The following TMEM82 variants were observed in gnomAD, a reference collection of about 807,000 sequenced individuals.
The protein encoded by TMEM82 is transmembrane protein 82.
In TMEM82, 30 loss-of-function variants were observed where a neutral mutation model predicts 29.2. The observed-to-expected ratio is 1.03, with a 90% CI of 0.77 to 1.39. The LOEUF (loss-of-function observed/expected upper bound fraction) is 1.39, where lower values mean the gene tolerates loss of function less well. TMEM82 is among the 40% of genes most tolerant of loss of function. The probability of loss-of-function intolerance (pLI) is 0.00; values close to 1 mark genes in which losing one functional copy is unlikely to be tolerated. For missense variants in TMEM82, 442 were observed against 447.7 expected (o/e 0.99, Z 0.12); for synonymous variants, 221 against 225.4 (o/e 0.98, Z 0.18).
chr1:15,742,880 A>G lies in TMEM82; in HGVS notation c.134A>G (p.Lys45Arg). Residue 45 changes from lysine (K) to arginine (R), a missense_variant, in exon 2 of 6, where the codon AAA becomes AGA. Physicochemically the swap from Lys to Arg is conservative, Grantham distance 26. Coordinates refer to ENST00000375782, the MANE Select transcript of TMEM82 (RefSeq NM_001013641.3). ...GTCTTGGTCCTGAACAGCCTCCTGA[A>G]AGTTTACTTCTTCGTGGGCTGTGCC... ...LGVLVLNSLL[K>R]VYFFVGCAND... 6.2e-7 allele frequency: 1 copy of G among 1,612,682 alleles called. No individual in the cohort carries two copies. The highest frequency in any genetic ancestry group is 1.7e-5 in the Admixed American group (1 of 60,008).
intron 1 of TMEM82, 32 bp from the exon 2 acceptor site, chr1:15,742,803 G>T: frequency 6.2e-7 from 1 of 1,601,744 alleles, no homozygotes. Context: ...ACCCCTGCAC[G>T]CTGCCTCGCT....
At chr1:15,743,855 CT>C (rs1393696613) in intron 3 of TMEM82, among the ~76,000 whole-genome samples, 1 of 152,032 alleles carries the variant, frequency 6.6e-6, no homozygotes, top group African/African-American at 2.4e-5. Flanking sequence ...ATCCCAGCTT[CT>C]TGGGAGGCTG....
At position 15,743,137 on chromosome 1, in the gene TMEM82, C is replaced by T. The variant is rs775104287; in HGVS notation, c.279C>T (p.Ala93=). 1 of 1,611,794 alleles carries T rather than the reference C, an allele frequency of 6.2e-7. No homozygotes were observed. The highest frequency in any genetic ancestry group is 8.5e-7 in the Non-Finnish European group (1 of 1,179,902). ...FLTVVGSRVA[A]LVVLEFSLRA... Reference sequence around the variant, plus strand: ...CGGTCGTGGGGTCCCGGGTGGCTGCCCTCGTGGTGCTCGAGTTCTCCCTCC... The same window carrying T: ...CGGTCGTGGGGTCCCGGGTGGCTGCTCTCGTGGTGCTCGAGTTCTCCCTCC... Residue 93 remains alanine, a synonymous_variant, in exon 3 of 6, where the codon GCC becomes GCT. Transcript: ENST00000375782.
In TMEM82 at chr1:15,742,658, C is replaced by T. The variant is rs761113416; in HGVS notation, c.88+11C>T. On this transcript the variant is annotated intron_variant, in intron 1 of 5. Coordinates refer to ENST00000375782, the MANE Select transcript of TMEM82 (RefSeq NM_001013641.3). ...ACTCCCTCCTGCAAGGTGAGCACCTCGCCCCATTCCTGCCTTGGCCCCGCC... is the reference window on the plus strand; with the variant it reads ...ACTCCCTCCTGCAAGGTGAGCACCTTGCCCCATTCCTGCCTTGGCCCCGCC... The T allele has an allele frequency of 1.6e-5, 26 of 1,605,582 alleles. No individual in the cohort carries two copies. Among genetic ancestry groups the T allele is most frequent in the East Asian group, 6.7e-5 (3 of 44,862 alleles).
intron 2 of TMEM82, 32 bp from the exon 3 acceptor site, chr1:15,742,988 C>T: frequency 6.3e-7 from 1 of 1,599,958 alleles, no homozygotes; most frequent in Non-Finnish European, 8.5e-7. Context: ...GGCAGTTCTG[C>T]ACCCCTGCCC....
rs1557671774 is a variant in TMEM82, at chr1:15,743,059, C to T, written c.201C>T (p.Ala67=). 6.2e-7 allele frequency: 1 copy of T among 1,606,410 alleles called. No homozygotes were observed. The highest frequency in any genetic ancestry group is 8.5e-7 in the Non-Finnish European group (1 of 1,176,756). The part of the protein sequence containing the change: ...QRRPEKERLR[A]QWASLETVHL... ...GACCCGAAAAGGAGCGGCTTCGGGC[C>T]CAGTGGGCCTCCCTGGAAACGGTGC... The change falls in exon 3 of 6, where the codon GCC becomes GCT. Residue 67 remains alanine (A), a synonymous_variant. Transcript: ENST00000375782.
Position 15,746,982 on chromosome 1 carries a change from C to A in TMEM82, c.873C>A (p.Ile291=), listed in dbSNP as rs138798462. The A allele has an allele frequency of 9.9e-6, 16 of 1,612,116 alleles. No individual in the cohort carries two copies. Among genetic ancestry groups the A allele is most frequent in the African/African-American group, 1.3e-5 (1 of 74,842 alleles). ...GTCGCTGGCTGGACCTGCTGGGCAT[C>A]CTTGTCTCCCTACTGGGCGAGCTCT... ...TVGRWLDLLG[I]LVSLLGELWC... The change falls in exon 5 of 6, where the codon ATC becomes ATA. Residue 291 remains isoleucine (I), a synonymous_variant. Transcript: ENST00000375782.
chr1:15,744,511 A>T lies in TMEM82; in HGVS notation c.688A>T (p.Thr230Ser), dbSNP rs762005419. The T allele has an allele frequency of 6.2e-7, 1 of 1,612,356 alleles. No homozygotes were observed. The highest frequency in any genetic ancestry group is 1.7e-5 in the Admixed American group (1 of 59,960). The change falls in exon 4 of 6, where the codon ACC becomes TCC. Residue 230 changes from threonine (T) to serine (S), a missense_variant. Thr to Ser is a moderately conservative substitution (Grantham distance 58). Transcript: ENST00000375782. The surrounding 1 kb of genome is among the most constrained non-coding windows in gnomAD (Gnocchi z 5.2). ...VALINQDFLTTSEAMRFWTPL... is the reference protein window; with the variant it reads ...VALINQDFLTSSEAMRFWTPL... ...CCTCATCAACCAGGACTTCCTGACCACCTCGGAGGCCATGCGGTTCTGGAC... is the reference window on the plus strand; with the variant it reads ...CCTCATCAACCAGGACTTCCTGACCTCCTCGGAGGCCATGCGGTTCTGGAC...
rs1438338509 is a variant in TMEM82 at position 15,742,557 on chromosome 1, G to T, written c.-3G>T. ...GGAGGCTGGGGCTCCTTCCGGGGCTGCCATGTTCTCTCTTCCATCCCTCCC... is the reference window on the plus strand; with the variant it reads ...GGAGGCTGGGGCTCCTTCCGGGGCTTCCATGTTCTCTCTTCCATCCCTCCC... On this transcript the variant is annotated 5_prime_UTR_variant, in exon 1 of 6. Transcript: ENST00000375782. The T allele has an allele frequency of 8.9e-6, 14 of 1,579,664 alleles. No individual in the cohort carries two copies. The highest frequency in any genetic ancestry group is 3.4e-4 in the Middle Eastern group (2 of 5,916).
chr1:15,744,706 C>A lies in TMEM82; in HGVS notation c.757+126C>A. 2 of 1,205,434 alleles carry A rather than the reference C, an allele frequency of 1.7e-6. No individual in the cohort carries two copies. Among genetic ancestry groups the A allele is most frequent in the Non-Finnish European group, 2.3e-6 (2 of 880,418 alleles). The allele number at this position is 1,205,434 out of a possible 1,614,324, so 74.7% of individuals were successfully genotyped here. A position where few individuals can be genotyped will look rare whatever the true frequency, so the allele number is the denominator to read the frequency against. On this transcript the variant is annotated intron_variant, in intron 4 of 5. Coordinates refer to ENST00000375782, the MANE Select transcript of TMEM82 (RefSeq NM_001013641.3). This position sits in a 1 kb window ranked among gnomAD's most constrained non-coding sequence, Gnocchi z 5.2. Reference sequence around the variant, plus strand: ...CCAGAGAGCCTGGTCAGGACAGAGGCTGTGTGGCGGGGGCAGTGCAGAGAA... The same window carrying A: ...CCAGAGAGCCTGGTCAGGACAGAGGATGTGTGGCGGGGGCAGTGCAGAGAA...
chr1:15,744,205 C>A lies in TMEM82; in HGVS notation c.382C>A (p.Gln128Lys). The change falls in exon 4 of 6, where the codon CAG becomes AAG. Residue 128 changes from glutamine to lysine, a missense_variant. Gln to Lys is a moderately conservative substitution (Grantham distance 53). Transcript: ENST00000375782. The surrounding 1 kb of genome is among the most constrained non-coding windows in gnomAD (Gnocchi z 5.2). ...GAGGCTGCAGCTCTACCTGCTGTGCCAGTACTCGCTGGGCTGCGGGCTGAC... is the reference window on the plus strand; with the variant it reads ...GAGGCTGCAGCTCTACCTGCTGTGCAAGTACTCGCTGGGCTGCGGGCTGAC... Reference protein sequence around the residue: ...AERLQLYLLCQYSLGCGLTCG... With the variant: ...AERLQLYLLCKYSLGCGLTCG... The A allele has an allele frequency of 6.3e-7, 1 of 1,591,044 alleles. No individual in the cohort carries two copies. The highest frequency in any genetic ancestry group is 2.3e-5 in the East Asian group (1 of 44,406).
chr1:15,742,866 G>T lies in TMEM82; in HGVS notation c.120G>T (p.Leu40=). ...TCGGGGCCCTTGGAGTCTTGGTCCTGAACAGCCTCCTGAAAGTTTACTTCT... is the reference window on the plus strand; with the variant it reads ...TCGGGGCCCTTGGAGTCTTGGTCCTTAACAGCCTCCTGAAAGTTTACTTCT... ...GLIGALGVLV[L]NSLLKVYFFV... The change falls in exon 2 of 6, where the codon CTG becomes CTT. Residue 40 remains leucine, a synonymous_variant. Coordinates refer to ENST00000375782, the MANE Select transcript of TMEM82 (RefSeq NM_001013641.3). The T allele has an allele frequency of 6.2e-7, 1 of 1,612,808 alleles. No homozygotes were observed. The highest frequency in any genetic ancestry group is 8.5e-7 in the Non-Finnish European group (1 of 1,179,950).
At chr1:15,742,792 C>T (rs781017549) in intron 1 of TMEM82, 43 bp from the exon 2 acceptor site, 9 of 1,590,266 alleles carry the variant, frequency 5.7e-6, no homozygotes, top group Non-Finnish European at 7.7e-6. Context: ...GCCCTCCTAA[C>T]ACCCCTGCAC....
intron 4 of TMEM82, 129 bp from the exon 5 acceptor site, chr1:15,746,738 C>A: frequency 1.3e-6 from 1 of 750,606 alleles, no homozygotes; most frequent in Non-Finnish European, 2.2e-6. Context: ...GGGATGGGGA[C>A]CAGGAGGATG....
At position 15,742,576 on chromosome 1, in the gene TMEM82, C is replaced by G. The variant is rs77751812; in HGVS notation, c.17C>G (p.Ser6Cys). MFSLP[S>C]LPSWLPGLPS... is the part of the protein sequence containing the mutation. ...GGGGCTGCCATGTTCTCTCTTCCATCCCTCCCCTCCTGGCTCCCCGGCCTC... is the reference window on the plus strand; with the variant it reads ...GGGGCTGCCATGTTCTCTCTTCCATGCCTCCCCTCCTGGCTCCCCGGCCTC... The change falls in exon 1 of 6, where the codon TCC (serine) becomes TGC (cysteine). Residue 6 changes from serine (S) to cysteine (C), a missense_variant. By Grantham distance (112) the Ser-to-Cys change is moderately radical (BLOSUM62 -1). Coordinates refer to ENST00000375782, the MANE Select transcript of TMEM82 (RefSeq NM_001013641.3). The G allele has an allele frequency of 6.3e-6, 10 of 1,592,492 alleles. No individual in the cohort carries two copies. Among genetic ancestry groups the G allele is most frequent in the Non-Finnish European group, 8.5e-6 (10 of 1,170,788 alleles).
Position 15,742,531 on chromosome 1 carries a change from C to G in TMEM82, c.-29C>G, listed in dbSNP as rs764172793. On this transcript the variant is annotated 5_prime_UTR_variant, in exon 1 of 6. Coordinates refer to ENST00000375782, the MANE Select transcript of TMEM82 (RefSeq NM_001013641.3). ...TGGTCTGTCCTTACGCAGACCTGGC[C>G]GGAGGCTGGGGCTCCTTCCGGGGCT... The G allele has an allele frequency of 1.9e-6, 3 of 1,547,998 alleles. No individual in the cohort carries two copies. The Admixed American group carries it at 5.7e-5, about 29-fold the overall frequency.
At chr1:15,747,383 C>T (rs570887688) in intron 5 of TMEM82, among the ~76,000 whole-genome samples, 163 bp from the exon 6 acceptor site, 1 of 152,232 alleles carries the variant, frequency 6.6e-6, no homozygotes, top group Non-Finnish European at 1.5e-5. Context: ...TTTCACCAGG[C>T]CAGGGCTGTC....
chr1:15,742,964 C>G, intron 2 of TMEM82, 56 bp from the exon 3 acceptor site: 3 of 1,605,494 alleles, frequency 1.9e-6, no homozygotes, highest in Non-Finnish European at 2.6e-6. Context: ...GGACCCCCAC[C>G]AGGGGTCGAA....
At chr1:15,743,854 T>C (rs2068311942) in intron 3 of TMEM82, among the ~76,000 whole-genome samples, 1 of 151,710 alleles carries the variant, frequency 6.6e-6, no homozygotes, top group Non-Finnish European at 1.5e-5. Flanking sequence ...AATCCCAGCT[T>C]CTTGGGAGGC....
Sources: allele counts gnomAD v4.1 joint callset (sites outside exome capture counted in the v4.1 genomes callset), GRCh38; gene constraint gnomAD v4.1.1; non-coding constraint Gnocchi (gnomAD v3.1); transcripts MANE v1.5; gene names NCBI Gene and HGNC (gene_info 2026-07-23, HGNC 2026-07-21).